F13A1: variants seen among roughly 807,000 people sequenced by gnomAD.
F13A1 encodes the protein coagulation factor XIII A chain, also known as FSF, A subunit.
F13A1 carries 47 observed loss-of-function variants against 80.1 expected under a neutral mutation model. The ratio of observed to expected loss-of-function variants is 0.59; its 90% confidence interval spans 0.46 to 0.75. The LOEUF (loss-of-function observed/expected upper bound fraction) is 0.75. Ranked by LOEUF, F13A1 falls within the 30% of genes least tolerant of loss-of-function variation. F13A1 has a pLI of 0.00. For synonymous variants in F13A1, 349 were observed against 344.9 expected, an observed-to-expected ratio of 1.01 and a Z score of -0.13; for missense variants, 817 against 930.4, an observed-to-expected ratio of 0.88 and a Z score of 1.59.
intron 8 of F13A1, among the ~76,000 whole-genome samples, chr6:6,205,373 A>G (rs1761468110): frequency 6.6e-6 from 1 of 152,178 alleles, no homozygotes; most frequent in Non-Finnish European, 1.5e-5. Context: ...AACCAAATGG[A>G]TGTTGCAACC....
intron 11 of F13A1, among the ~76,000 whole-genome samples, chr6:6,180,204 A>G (rs1017164893): frequency 3.9e-5 from 6 of 152,176 alleles, no homozygotes; most frequent in African/African-American, 1.4e-4. Context: ...CCCCAGCTTC[A>G]TCTGCCAATT....
At chr6:6,253,558 C>T (rs560352430) in intron 4 of F13A1, among the ~76,000 whole-genome samples, 1 of 152,314 alleles carries the variant, frequency 6.6e-6, no homozygotes, top group Non-Finnish European at 1.5e-5. Flanking sequence ...TCCTCTCCAG[C>T]TGTTCCCACC....
chr6:6,249,204 G>A (rs778844070), intron 5 of F13A1, among the ~76,000 whole-genome samples: 1 of 152,206 alleles, frequency 6.6e-6, no homozygotes, highest in Non-Finnish European at 1.5e-5. Context: ...AAGTGCTTGT[G>A]ACAGAAACCA....
chr6:6,194,658 A>G (rs548999474), intron 10 of F13A1, among the ~76,000 whole-genome samples: 1 of 152,270 alleles, frequency 6.6e-6, no homozygotes, highest in South Asian at 2.1e-4. Context: ...CCCACCTGAC[A>G]AGTATTGTTG....
chr6:6,288,571 T>G (rs571895270), intron 3 of F13A1, among the ~76,000 whole-genome samples: 1 of 152,188 alleles, frequency 6.6e-6, no homozygotes, highest in Non-Finnish European at 1.5e-5. Flanking sequence ...ATTGGTTAGG[T>G]TGCTTTCATA....
Position 6,250,712 on chromosome 6 carries a change from G to T in F13A1, c.690+99C>A. ...CAGATCCTAAAAAGCAGGAAATTGT[G>T]CTTGTCTAATATCGATATATGGGAT... On this transcript the variant is annotated intron_variant, in intron 5 of 14. Transcript: ENST00000264870. This position sits in a 1 kb window ranked among gnomAD's most constrained non-coding sequence, Gnocchi z 4.2. 7.3e-6 allele frequency: 6 copies of T among 824,392 alleles called. No homozygotes were observed. The highest frequency in any genetic ancestry group is 6.8e-5 in the South Asian group (5 of 73,344). 51.1% of individuals were successfully genotyped at this position (824,392 alleles called of 1,614,324 possible). A position where few individuals can be genotyped will look rare whatever the true frequency, so the allele number is the denominator to read the frequency against.
At chr6:6,167,389 C>A in intron 13 of F13A1, 69 bp downstream of exon 13, 2 of 1,450,352 alleles carry the variant, frequency 1.4e-6, no homozygotes, top group Non-Finnish European at 1.9e-6. Context: ...TACAAGCACG[C>A]ATATGCACAC....
chr6:6,177,224 A>T (rs1158731974), intron 11 of F13A1, among the ~76,000 whole-genome samples: 1 of 152,164 alleles, frequency 6.6e-6, no homozygotes, highest in Non-Finnish European at 1.5e-5. Flanking sequence ...ACTAGGATGT[A>T]ATAAGAGAGC....
intron 2 of F13A1, among the ~76,000 whole-genome samples, chr6:6,314,213 C>A (rs1758648644): frequency 1.3e-5 from 2 of 152,096 alleles, no homozygotes; most frequent in Admixed American, 1.3e-4. Flanking sequence ...AACTCCTGAT[C>A]TGGTGATCTG....
intron 12 of F13A1, among the ~76,000 whole-genome samples, chr6:6,169,606 G>A (rs760360755): frequency 6.6e-6 from 1 of 152,194 alleles, no homozygotes; most frequent in Non-Finnish European, 1.5e-5. Context: ...GTCAATAGGA[G>A]GCAATGTTAT....
chr6:6,260,185 C>A (rs1757759284), intron 4 of F13A1, among the ~76,000 whole-genome samples: 1 of 152,200 alleles, frequency 6.6e-6, no homozygotes, highest in Admixed American at 6.5e-5. Context: ...CCCGCATGCA[C>A]CCCTGCCTTC....
chr6:6,290,639 G>C (rs1176482306), intron 3 of F13A1, among the ~76,000 whole-genome samples: 1 of 152,096 alleles, frequency 6.6e-6, no homozygotes, highest in Non-Finnish European at 1.5e-5. Flanking sequence ...TTCCCCCAAG[G>C]AGAATCTCAC....
In F13A1 at chr6:6,266,449, C is replaced by T. The variant is rs139885046; in HGVS notation, c.571+109G>A. 241 of 1,552,598 alleles carry T rather than the reference C, an allele frequency of 1.6e-4. 1 individual carries two copies. In the East Asian group the frequency reaches 3.9e-3, roughly 25 times the overall value. ...TAGGTCTCAAACTCCTGGCCTCAAG[C>T]GATCCTCCCATCTTGGCCTCCCAAA... is the stretch of plus-strand genomic sequence containing the variant. On this transcript the variant is annotated intron_variant, in intron 4 of 14. Transcript: ENST00000264870.
In F13A1 at chr6:6,248,501, C is replaced by A. The variant is rs191446728; in HGVS notation, c.691-82G>T. The A allele has an allele frequency of 3.8e-6, 4 of 1,046,542 alleles. No homozygotes were observed. The East Asian group carries it at 7.6e-5, about 20-fold the overall frequency. The allele number at this position is 1,046,542 out of a possible 1,614,324, so 64.8% of individuals were successfully genotyped here. A position where few individuals can be genotyped will look rare whatever the true frequency, so the allele number is the denominator to read the frequency against. On this transcript the variant is annotated intron_variant, in intron 5 of 14. Coordinates refer to ENST00000264870, the MANE Select transcript of F13A1 (RefSeq NM_000129.4). ...TCTCTGATGAAAAATAACATGAAAC[C>A]ACAACCTAATGTTTAGAAATGTGTG...
At chr6:6,256,340 A>G (rs1757703118) in intron 4 of F13A1, among the ~76,000 whole-genome samples, 2 of 152,156 alleles carry the variant, frequency 1.3e-5, no homozygotes, top group African/African-American at 4.8e-5. Context: ...CCTTGGACCA[A>G]CTGACAACTC....
At chr6:6,256,222 T>C (rs1375751344) in intron 4 of F13A1, among the ~76,000 whole-genome samples, 1 of 152,052 alleles carries the variant, frequency 6.6e-6, no homozygotes. Context: ...TGGTAGAAGG[T>C]AGACGTGTAT....
At chr6:6,239,101 A>C (rs1583088279) in intron 6 of F13A1, among the ~76,000 whole-genome samples, 1 of 152,212 alleles carries the variant, frequency 6.6e-6, no homozygotes, top group African/African-American at 2.4e-5. Flanking sequence ...GAAACATCTT[A>C]AACATGCATC....
At chr6:6,214,677 A>G in intron 8 of F13A1, among the ~76,000 whole-genome samples, 1 of 99,556 alleles carries the variant, frequency 1.0e-5, no homozygotes, top group Non-Finnish European at 2.0e-5. Context: ...AATAACTAAA[A>G]TCAGAGCAGA....
At chr6:6,247,465 C>T (rs549315026) in intron 6 of F13A1, among the ~76,000 whole-genome samples, 23 of 152,132 alleles carry the variant, frequency 1.5e-4, no homozygotes, top group Admixed American at 1.2e-3. Context: ...TTCTCTGTAC[C>T]AACATCTGGC....
Sources: allele counts gnomAD v4.1 joint callset (sites outside exome capture counted in the v4.1 genomes callset), GRCh38; gene constraint gnomAD v4.1.1; non-coding constraint Gnocchi (gnomAD v3.1); transcripts MANE v1.5; gene names NCBI Gene and HGNC (gene_info 2026-07-23, HGNC 2026-07-21).